The following RAB4B variants were observed in gnomAD, a reference collection of about 807,000 sequenced individuals.
RAB4B encodes the protein ras-related protein Rab-4B.
RAB4B carries 15 observed loss-of-function variants against 28.3 expected under a neutral mutation model. The observed-to-expected ratio is 0.53, with a 90% CI of 0.35 to 0.82. The LOEUF (loss-of-function observed/expected upper bound fraction) is 0.82, where lower values mean the gene tolerates loss of function less well. Ranked by LOEUF, RAB4B falls within the 40% of genes least tolerant of loss-of-function variation. The pLI is 0.01. For missense variants in RAB4B, 244 were observed against 288.5 expected (o/e 0.85, Z 1.12); for synonymous variants, 108 against 116.3 (o/e 0.93, Z 0.46).
rs551269811 is a variant in RAB4B at position 40,787,737 on chromosome 19, G to T, written c.*15+759G>T. Reference sequence around the variant, plus strand: ...GGCAGAGGGGTTGCATTTGATGGGGGGTATACATAAGGTCAGGAGTTCTAG... The same window carrying T: ...GGCAGAGGGGTTGCATTTGATGGGGTGTATACATAAGGTCAGGAGTTCTAG... On this transcript the variant is annotated intron_variant, in intron 7 of 7. Transcript: ENST00000357052. Among the ~76,000 whole-genome samples the T allele has an allele frequency of 3.3e-5, 5 of 150,116 alleles. No individual in the cohort carries two copies. In the East Asian group the frequency reaches 7.9e-4, roughly 24 times the overall value.
intron 5 of RAB4B, among the ~76,000 whole-genome samples, chr19:40,784,842 T>A (rs1049144414): frequency 1.4e-5 from 2 of 144,048 alleles, no homozygotes; most frequent in Non-Finnish European, 3.1e-5. Context: ...GAAAGGCACT[T>A]TTTTTTTTTT....
chr19:40,783,891 C>T (rs755425625), intron 4 of RAB4B, 30 bp from the exon 5 acceptor site: 3 of 1,588,772 alleles, frequency 1.9e-6, no homozygotes, highest in Non-Finnish European at 2.6e-6. Context: ...CTCTCCTGCA[C>T]TGCCTCCCTC....
In RAB4B at chr19:40,778,389, A is replaced by G. The variant is rs773595717; in HGVS notation, c.14A>G (p.Tyr5Cys). 4.1e-6 allele frequency: 6 copies of G among 1,466,384 alleles called. No homozygotes were observed. The highest frequency in any genetic ancestry group is 1.4e-5 in the South Asian group (1 of 71,966). 90.8% of individuals were successfully genotyped at this position (1,466,384 alleles called of 1,614,324 possible). ...CGCGACCGAGTCATGGCTGAGACCT[A>G]CGGTGAGGGTGGTGGACGAAGCTGG... MAET[Y>C]DFLFKFLVIG... The change falls in exon 1 of 8, where the codon TAC (tyrosine) becomes TGC (cysteine). Residue 5 changes from tyrosine to cysteine, a missense_variant and splice_region_variant. Transcript: ENST00000357052.
intron 1 of RAB4B, chr19:40,779,784 T>C (rs2083029774): frequency 1.8e-6 from 2 of 1,083,882 alleles, no homozygotes; most frequent in African/African-American, 1.6e-5. Context: ...CCTGCACATG[T>C]ACTCCCTGAA....
At chr19:40,789,394 G>T (rs1230139975) in intron 7 of RAB4B, among the ~76,000 whole-genome samples, 1 of 149,458 alleles carries the variant, frequency 6.7e-6, no homozygotes, top group Non-Finnish European at 1.5e-5. Flanking sequence ...TAGAGACGGG[G>T]TTTCTCCGTG....
At chr19:40,779,459 G>C (rs1312034316) in intron 1 of RAB4B, 1 of 162,898 alleles carries the variant, frequency 6.1e-6, no homozygotes, top group African/African-American at 2.4e-5. Flanking sequence ...ACCTGCACAT[G>C]TGGGCTGGGC....
intron 7 of RAB4B, among the ~76,000 whole-genome samples, chr19:40,789,101 G>A (rs917965797): frequency 4.0e-5 from 6 of 151,732 alleles, no homozygotes; most frequent in Non-Finnish European, 8.8e-5. Context: ...CATCATGTTG[G>A]CCAGGCTGGT....
intron 7 of RAB4B, among the ~76,000 whole-genome samples, chr19:40,788,660 C>G (rs1489977264): frequency 6.7e-6 from 1 of 150,312 alleles, no homozygotes; most frequent in South Asian, 2.1e-4. Context: ...GATCTCGGCT[C>G]ACTGAAACCT....
In RAB4B at chr19:40,783,988, G is replaced by A. The variant is rs144342132; in HGVS notation, c.343G>A (p.Val115Met). ...DARTLASPNIVVILCGNKKDL... is the reference protein window; with the variant it reads ...DARTLASPNIMVILCGNKKDL... ...CCGCACCCTGGCCAGCCCCAACATCGTGGTCATCCTCTGTGGCAACAAGAA... is the reference window on the plus strand; with the variant it reads ...CCGCACCCTGGCCAGCCCCAACATCATGGTCATCCTCTGTGGCAACAAGAA... The change falls in exon 5 of 8, where the codon GTG becomes ATG. Residue 115 changes from valine to methionine, a missense_variant. Transcript: ENST00000357052. 26 of 1,614,008 alleles carry A rather than the reference G, an allele frequency of 1.6e-5. No individual in the cohort carries two copies. The highest frequency in any genetic ancestry group is 5.0e-5 in the Admixed American group (3 of 59,988).
At chr19:40,787,867 C>T (rs2083116244) in intron 7 of RAB4B, among the ~76,000 whole-genome samples, 2 of 144,032 alleles carry the variant, frequency 1.4e-5, no homozygotes, top group Admixed American at 1.5e-4. Flanking sequence ...GAGACTGAGG[C>T]AGGAGAATCA....
intron 1 of RAB4B, chr19:40,779,272 C>T (rs2083024941): frequency 6.5e-6 from 1 of 153,022 alleles, no homozygotes; most frequent in Non-Finnish European, 1.5e-5. Context: ...CCAGCTGTGT[C>T]ACTTTGGGCA....
intron 2 of RAB4B, 86 bp downstream of exon 2, chr19:40,780,185 G>C (rs2083033456): frequency 3.2e-6 from 5 of 1,570,560 alleles, no homozygotes; most frequent in Non-Finnish European, 3.5e-6. Flanking sequence ...GGGAGGGCAG[G>C]GCTGGCCATA....
In RAB4B at chr19:40,786,843, C is replaced by G; in HGVS notation, c.527-5C>G. On this transcript the variant is annotated splice_region_variant and splice_polypyrimidine_tract_variant and intron_variant, in intron 6 of 7. Transcript: ENST00000357052. ...ACCAATGCTGACCTCTCCCCTTCCC[C>G]ACAGGCGAGCTAGACCCGGAGAGGA... The G allele has an allele frequency of 6.2e-7, 1 of 1,614,144 alleles. No homozygotes were observed. The highest frequency in any genetic ancestry group is 8.5e-7 in the Non-Finnish European group (1 of 1,179,992).
At chr19:40,778,692 G>C (rs2083018763) in intron 1 of RAB4B, among the ~76,000 whole-genome samples, 1 of 152,134 alleles carries the variant, frequency 6.6e-6, no homozygotes, top group Non-Finnish European at 1.5e-5. Flanking sequence ...CGGAGCCTGA[G>C]TGAAGGGGCG....
chr19:40,790,898 C>T (rs1264889714), intron 7 of RAB4B, among the ~76,000 whole-genome samples: 1 of 150,130 alleles, frequency 6.7e-6, no homozygotes, highest in African/African-American at 2.4e-5. Flanking sequence ...CTTTGTTGCC[C>T]AGGCTGGAGT....
intron 7 of RAB4B, among the ~76,000 whole-genome samples, chr19:40,793,007 C>T (rs906489556): frequency 6.6e-6 from 1 of 152,086 alleles, no homozygotes; most frequent in Non-Finnish European, 1.5e-5. Flanking sequence ...GAACTCCTGA[C>T]CTCAGGTGAT....
In RAB4B at chr19:40,786,656, C is replaced by A; in HGVS notation, c.431-9C>A. 1 of 1,613,706 alleles carries A rather than the reference C, an allele frequency of 6.2e-7. No individual in the cohort carries two copies. The highest frequency in any genetic ancestry group is 8.5e-7 in the Non-Finnish European group (1 of 1,179,820). ...TGGGGCCCTGACCTCAGAGTGTGTGCCCCTGCAGAGCTGATGTTCCTGGAG... is the reference window on the plus strand; with the variant it reads ...TGGGGCCCTGACCTCAGAGTGTGTGACCCTGCAGAGCTGATGTTCCTGGAG... On this transcript the variant is annotated splice_polypyrimidine_tract_variant and intron_variant, in intron 5 of 7. Transcript: ENST00000357052.
intron 1 of RAB4B, chr19:40,779,762 G>T: frequency 1.2e-6 from 1 of 855,190 alleles, no homozygotes; most frequent in Non-Finnish European, 1.6e-6. Flanking sequence ...CAAAAACAAC[G>T]ACAAAAAAAC....
chr19:40,783,955 A>T lies in RAB4B; in HGVS notation c.310A>T (p.Thr104Ser). 1 of 1,613,168 alleles carries T rather than the reference A, an allele frequency of 6.2e-7. No homozygotes were observed. Among genetic ancestry groups the T allele is most frequent in the Non-Finnish European group, 8.5e-7 (1 of 1,179,194 alleles). ...ETYNSLAAWL[T>S]DARTLASPNI... is the part of the protein sequence containing the mutation. ...ATACAACTCACTGGCTGCCTGGCTG[A>T]CGGATGCCCGCACCCTGGCCAGCCC... The change falls in exon 5 of 8, where the codon ACG (threonine) becomes TCG (serine). Residue 104 changes from threonine to serine, a missense_variant. By Grantham distance (58) the Thr-to-Ser change is moderately conservative. Coordinates refer to ENST00000357052, the MANE Select transcript of RAB4B (RefSeq NM_016154.5).
Sources: gnomAD v4.1 joint callset for allele counts (sites outside exome capture counted in the v4.1 genomes callset) on GRCh38, gnomAD v4.1.1 for gene constraint, MANE v1.5 for transcripts, NCBI Gene and HGNC (gene_info 2026-07-23, HGNC 2026-07-21) for gene names.